CCDC40: variants seen among roughly 807,000 people sequenced by gnomAD.
CCDC40 encodes the protein coiled-coil domain 40 molecular ruler complex subunit.
In CCDC40, 104 loss-of-function variants were observed where a neutral mutation model predicts 124.5. The observed-to-expected ratio is 0.84, with a 90% confidence interval of 0.71 to 0.98. CCDC40 has a LOEUF of 0.98. Among genes scored for constraint, CCDC40 ranks in the 50% least tolerant of loss-of-function variants. The probability of loss-of-function intolerance (pLI) is 0.00; values close to 1 mark genes in which losing one functional copy is unlikely to be tolerated. For synonymous variants in CCDC40, 580 were observed against 602.9 expected, an observed-to-expected ratio of 0.96 and a Z score of 0.56; for missense variants, 1,463 against 1,503.9, an observed-to-expected ratio of 0.97 and a Z score of 0.45.
intron 1 of CCDC40, among the ~76,000 whole-genome samples, chr17:80,037,688 A>AAAAAAAAATATATATAT: frequency 1.8e-4 from 8 of 45,678 alleles, no homozygotes; most frequent in African/African-American, 4.7e-4. Flanking sequence ...TTTTTTAAAA[A>AAAAAAAAATATATATAT]AGATATACAT....
intron 19 of CCDC40, among the ~76,000 whole-genome samples, chr17:80,098,186 G>T (rs1287734818): frequency 6.6e-6 from 1 of 152,232 alleles, no homozygotes; most frequent in African/African-American, 2.4e-5. Flanking sequence ...CTGCGCAAGG[G>T]CTACTAGAGG....
At position 80,095,248 on chromosome 17, in the gene CCDC40, T is replaced by A. The variant is rs1283974743; in HGVS notation, c.2833-15T>A. On this transcript the variant is annotated splice_polypyrimidine_tract_variant and intron_variant, in intron 17 of 19. Transcript: ENST00000397545. The stretch of plus-strand genomic sequence containing the variant: ...AGGCCTGCCCCAGCCCCAGCCCCTC[T>A]GTCCTGTCTCCCAGGTCAGGCTCGG... 6.2e-7 allele frequency: 1 copy of A among 1,613,148 alleles called. No individual in the cohort carries two copies. The highest frequency in any genetic ancestry group is 2.2e-5 in the East Asian group (1 of 44,890).
At position 80,050,284 on chromosome 17, in the gene CCDC40, G is replaced by A. The variant is rs1377921795; in HGVS notation, c.1159+1G>A. ...GCCGCCAACGAGGAGCGCAAAAAGT[G>A]TAAGGCAACCCGGCAGCCCCACACG... On this transcript the variant is annotated splice_donor_variant, in intron 7 of 19. Transcript: ENST00000397545. LOFTEE classifies it high-confidence loss of function. 2.6e-6 allele frequency: 4 copies of A among 1,555,480 alleles called. No homozygotes were observed. The highest frequency in any genetic ancestry group is 2.4e-5 in the East Asian group (1 of 41,234).
At chr17:80,055,000 TAAAAC>T (rs1598494702) in intron 7 of CCDC40, among the ~76,000 whole-genome samples, 1 of 149,908 alleles carries the variant, frequency 6.7e-6, no homozygotes, top group Admixed American at 6.6e-5. Context: ...ATAAATCAAA[TAAAAC>T]AAAATACAAG....
intron 10 of CCDC40, among the ~76,000 whole-genome samples, chr17:80,074,497 G>A (rs1364605757): frequency 1.3e-5 from 2 of 152,136 alleles, no homozygotes; most frequent in East Asian, 3.9e-4. Context: ...AAAAGAGAAT[G>A]CACCTGGTGG....
intron 10 of CCDC40, among the ~76,000 whole-genome samples, chr17:80,072,585 A>C (rs2143707818): frequency 6.6e-6 from 1 of 152,292 alleles, no homozygotes; most frequent in South Asian, 2.1e-4. Context: ...TTATGTACAA[A>C]ATTGCATACC....
At chr17:80,078,121 G>A (rs1291872098) in intron 10 of CCDC40, among the ~76,000 whole-genome samples, 1 of 152,014 alleles carries the variant, frequency 6.6e-6, no homozygotes, top group Non-Finnish European at 1.5e-5. Context: ...CACGAGGTCA[G>A]GAGATTGAGA....
At chr17:80,091,525 C>T (rs2038723602) in intron 17 of CCDC40, among the ~76,000 whole-genome samples, 1 of 83,586 alleles carries the variant, frequency 1.2e-5, no homozygotes, top group Non-Finnish European at 2.2e-5. Flanking sequence ...TCCCCCACCC[C>T]CACCCCGTCC....
At chr17:80,037,702 T>TATAC (rs2037150335) in intron 1 of CCDC40, among the ~76,000 whole-genome samples, 1 of 133,784 alleles carries the variant, frequency 7.5e-6, no homozygotes, top group African/African-American at 2.6e-5. Flanking sequence ...TATACATATA[T>TATAC]ATATATATAT....
chr17:80,052,896 G>A (rs1427575629), intron 7 of CCDC40, among the ~76,000 whole-genome samples: 2 of 152,192 alleles, frequency 1.3e-5, no homozygotes, highest in East Asian at 3.8e-4. Flanking sequence ...AAAGGGGTAC[G>A]TGAAATTTAA....
intron 2 of CCDC40, among the ~76,000 whole-genome samples, chr17:80,039,143 G>C (rs569302481): frequency 3.7e-4 from 56 of 152,202 alleles, no homozygotes; most frequent in Non-Finnish European, 6.8e-4. Context: ...GAGGCGGATG[G>C]ATCTCTTGAG....
intron 10 of CCDC40, among the ~76,000 whole-genome samples, chr17:80,069,806 G>A (rs1370452963): frequency 6.8e-6 from 1 of 147,580 alleles, no homozygotes; most frequent in Non-Finnish European, 1.5e-5. Context: ...GAGAGAGAGA[G>A]AGAAAAAAAG....
chr17:80,040,970 C>T lies in CCDC40; in HGVS notation c.552+700C>T, dbSNP rs542225128. 1.2e-4 allele frequency among the ~76,000 whole-genome samples: 19 copies of T among 152,300 alleles called. No homozygotes were observed. The South Asian group carries it at 3.9e-3, about 32-fold the overall frequency. ...ATTCTAATTTCCATTTAAATAGCCA[C>T]CTGTTGCCAGTGGCTGCCATAATGA... On this transcript the variant is annotated intron_variant, in intron 3 of 19. Transcript: ENST00000397545.
Position 80,086,086 on chromosome 17 carries a change from C to T in CCDC40, c.2319C>T (p.Ala773=). ...AGCACGATGGCAAGGCGGTCCAGGCCCAGGTGACCTGGCTGCGCCTGCAGC... is the reference window on the plus strand; with the variant it reads ...AGCACGATGGCAAGGCGGTCCAGGCTCAGGTGACCTGGCTGCGCCTGCAGC... ...IDEHDGKAVQ[A]QVTWLRLQQE... is the part of the protein sequence containing the mutation. Residue 773 remains alanine (A), a synonymous_variant, in exon 14 of 20, where the codon GCC becomes GCT. Transcript: ENST00000397545. This position sits in a 1 kb window ranked among gnomAD's most constrained non-coding sequence, Gnocchi z 5.5. 1 of 1,614,104 alleles carries T rather than the reference C, an allele frequency of 6.2e-7. No homozygotes were observed. The highest frequency in any genetic ancestry group is 8.5e-7 in the Non-Finnish European group (1 of 1,180,020).
At chr17:80,082,136 G>C (rs916920793) in intron 12 of CCDC40, 78 bp downstream of exon 12, 2 of 1,281,860 alleles carry the variant, frequency 1.6e-6, no homozygotes, top group Non-Finnish European at 2.3e-6. Flanking sequence ...TCCTGGAGGC[G>C]GAGAGGGCGG....
At chr17:80,064,197 C>T (rs2037975409) in intron 9 of CCDC40, among the ~76,000 whole-genome samples, 1 of 152,198 alleles carries the variant, frequency 6.6e-6, no homozygotes, top group South Asian at 2.1e-4. Context: ...CATGGTGTCT[C>T]CAGGGCGATG....
chr17:80,065,455 C>T, intron 9 of CCDC40, 30 bp from the exon 10 acceptor site: 1 of 1,612,708 alleles, frequency 6.2e-7, no homozygotes, highest in Non-Finnish European at 8.5e-7. Flanking sequence ...ATGAGACAGC[C>T]ATTCCTGCCC....
In CCDC40 at chr17:80,041,328, T is replaced by G. The variant is rs186180892; in HGVS notation, c.552+1058T>G. Among the ~76,000 whole-genome samples, 3 of 151,986 alleles carry G rather than the reference T, an allele frequency of 2.0e-5. No homozygotes were observed. The East Asian group carries it at 5.8e-4, about 30-fold the overall frequency. On this transcript the variant is annotated intron_variant, in intron 3 of 19. Transcript: ENST00000397545. ...TTCGATACCAGCCTGGCCAACATGG[T>G]GAAACCCCATCTCTACTAAAAATAC...
chr17:80,089,108 C>G (rs867448695), intron 16 of CCDC40, among the ~76,000 whole-genome samples: 7 of 152,190 alleles, frequency 4.6e-5, no homozygotes, highest in Non-Finnish European at 8.8e-5. Flanking sequence ...CAATGTGTAG[C>G]TATATTCCTT....
Sources: gnomAD v4.1 joint callset for allele counts (sites outside exome capture counted in the v4.1 genomes callset) on GRCh38, gnomAD v4.1.1 for gene constraint, Gnocchi (gnomAD v3.1) non-coding constraint, MANE v1.5 for transcripts, NCBI Gene and HGNC (gene_info 2026-07-23, HGNC 2026-07-21) for gene names.